The following TXNDC9 variants were observed in gnomAD, a reference collection of about 807,000 sequenced individuals.
TXNDC9 encodes the protein thioredoxin domain-containing protein 9.
In TXNDC9, 7 loss-of-function variants were observed where a neutral mutation model predicts 23.0. The ratio of observed to expected loss-of-function variants is 0.30; its 90% CI spans 0.17 to 0.57. TXNDC9 has a LOEUF of 0.57. Ranked by LOEUF, TXNDC9 falls within the 20% of genes least tolerant of loss-of-function variation. The probability of loss-of-function intolerance (pLI) is 0.90; values close to 1 mark genes in which losing one functional copy is unlikely to be tolerated. For missense variants in TXNDC9, 198 were observed against 252.6 expected, an observed-to-expected ratio of 0.78 and a Z score of 1.47; for synonymous variants, 72 against 90.6, an observed-to-expected ratio of 0.79 and a Z score of 1.17.
At chr2:99,325,742 G>A (rs2094211602) in intron 3 of TXNDC9, among the ~76,000 whole-genome samples, 1 of 152,146 alleles carries the variant, frequency 6.6e-6, no homozygotes, top group Non-Finnish European at 1.5e-5. Flanking sequence ...CGGGTGCCGT[G>A]GCTCATACTT....
downstream of TXNDC9, among the ~76,000 whole-genome samples, chr2:99,316,706 A>G (rs2094189769): frequency 6.6e-6 from 1 of 151,786 alleles, no homozygotes. Flanking sequence ...TTTTCATTAC[A>G]GTTACTTTAC....
rs952979593 is a variant in TXNDC9 at position 99,319,297 on chromosome 2, T to A, written c.*385A>T. The A allele has an allele frequency of 1.9e-5, 3 of 160,390 alleles. No individual in the cohort carries two copies. Among genetic ancestry groups the A allele is most frequent in the African/African-American group, 7.2e-5 (3 of 41,550 alleles). 9.9% of individuals were successfully genotyped at this position (160,390 alleles called of 1,614,324 possible). ...TTATAATTCATTTACAAGTGCAGTA[T>A]TGCGCTAGTAAATGTTACTTGACCT... On this transcript the variant is annotated 3_prime_UTR_variant, in exon 5 of 5. Coordinates refer to ENST00000264255, the MANE Select transcript of TXNDC9 (RefSeq NM_005783.4).
the TXNDC9 span, chr2:99,306,676 A>T: frequency 2.5e-6 from 1 of 395,760 alleles, no homozygotes; most frequent in South Asian, 1.7e-5. Context: ...GTAAAATAGC[A>T]TCATCCAGCC....
downstream of TXNDC9, among the ~76,000 whole-genome samples, chr2:99,315,678 T>A (rs966802171): frequency 6.6e-6 from 1 of 152,224 alleles, no homozygotes; most frequent in Non-Finnish European, 1.5e-5. Context: ...ATTTCGAGTT[T>A]AACTTTTGTA....
At chr2:99,314,742 C>T (rs2094184795), downstream of TXNDC9, among the ~76,000 whole-genome samples, 1 of 150,652 alleles carries the variant, frequency 6.6e-6, no homozygotes, top group African/African-American at 2.4e-5. Flanking sequence ...TGTTGTCTGC[C>T]TTTTTTATTA....
At chr2:99,315,635 T>G (rs1330353515), downstream of TXNDC9, among the ~76,000 whole-genome samples, 1 of 152,238 alleles carries the variant, frequency 6.6e-6, no homozygotes, top group Non-Finnish European at 1.5e-5. Flanking sequence ...TAGAGTTTTA[T>G]AGTTTTAATT....
the TXNDC9 span, among the ~76,000 whole-genome samples, chr2:99,312,000 A>AT: frequency 6.6e-6 from 1 of 152,218 alleles, no homozygotes; most frequent in African/African-American, 2.4e-5. Context: ...TATGAAGGCC[A>AT]TAAGTTGTTT....
chr2:99,312,342 G>A, the TXNDC9 span, among the ~76,000 whole-genome samples: 17 of 151,782 alleles, frequency 1.1e-4, no homozygotes, highest in East Asian at 1.7e-3. Flanking sequence ...CTAAAAATAC[G>A]AAAAATTAGC....
chr2:99,318,175 G>A (rs1229903277), downstream of TXNDC9, among the ~76,000 whole-genome samples: 1 of 152,190 alleles, frequency 6.6e-6, no homozygotes, highest in East Asian at 1.9e-4. Context: ...ACAGGTGTGA[G>A]CCACCGTGCC....
chr2:99,319,424 A>G lies in TXNDC9; in HGVS notation c.*258T>C. 3.2e-6 allele frequency: 1 copy of G among 312,432 alleles called. No homozygotes were observed. Among genetic ancestry groups the G allele is most frequent in the Non-Finnish European group, 5.8e-6 (1 of 172,850 alleles). The allele number at this position is 312,432 out of a possible 1,614,324, so 19.4% of individuals were successfully genotyped here. ...ATTGTAAATGGTATAAAGATGTAAG[A>G]ATCATATTGTGATAAAGTCAATCTC... is the stretch of plus-strand genomic sequence containing the variant. On this transcript the variant is annotated 3_prime_UTR_variant, in exon 5 of 5. Transcript: ENST00000264255.
chr2:99,332,877 G>A (rs2094229287), intron 2 of TXNDC9, 145 bp downstream of exon 2: 9 of 664,550 alleles, frequency 1.4e-5, no homozygotes, highest in Non-Finnish European at 2.0e-5. Flanking sequence ...TTTTTTTCTG[G>A]GCAAATTTTT....
the TXNDC9 span, among the ~76,000 whole-genome samples, chr2:99,309,743 G>T: frequency 6.6e-6 from 1 of 152,128 alleles, no homozygotes; most frequent in African/African-American, 2.4e-5. Flanking sequence ...CTGAAGTGCA[G>T]TGGTAGAATC....
At chr2:99,320,700 A>C (rs1000482077) in intron 4 of TXNDC9, among the ~76,000 whole-genome samples, 1 of 152,216 alleles carries the variant, frequency 6.6e-6, no homozygotes, top group Non-Finnish European at 1.5e-5. Context: ...TACGTAAGAA[A>C]ATGTTCTTGT....
intron 1 of TXNDC9, among the ~76,000 whole-genome samples, chr2:99,334,520 CTACAAATCTG>C (rs2094233924): frequency 6.6e-6 from 1 of 152,184 alleles, no homozygotes; most frequent in Admixed American, 6.5e-5. Context: ...TACTCCTAGG[CTACAAATCTG>C]TACAGCATGT....
At chr2:99,322,312 A>T in intron 3 of TXNDC9, 103 bp from the exon 4 acceptor site, 1 of 1,441,808 alleles carries the variant, frequency 6.9e-7, no homozygotes, top group Non-Finnish European at 9.2e-7. Flanking sequence ...TTTTCTGTTG[A>T]CTCTCATAAC....
chr2:99,316,116 TC>T (rs141963643), downstream of TXNDC9, among the ~76,000 whole-genome samples: 1,188 of 59,282 alleles, frequency 0.02, 4 homozygotes, highest in Middle Eastern at 0.065. Flanking sequence ...CATTTCTTTT[TC>T]TTTTTTTTTT....
In TXNDC9 at chr2:99,333,285, A is replaced by G. The variant is rs1385772118; in HGVS notation, c.-32-43T>C. The G allele has an allele frequency of 3.4e-6, 5 of 1,486,242 alleles. No homozygotes were observed. In the East Asian group the frequency reaches 9.8e-5, roughly 29 times the overall value. The allele number at this position is 1,486,242 out of a possible 1,614,324, so 92.1% of individuals were successfully genotyped here. On this transcript the variant is annotated intron_variant, in intron 1 of 4. Coordinates refer to ENST00000264255, the MANE Select transcript of TXNDC9 (RefSeq NM_005783.4). Reference sequence around the variant, plus strand: ...AAAATACATTTTAAAAAATGCAAACAATAAGCAAGGTTTTCTCTACCATTT... The same window carrying G: ...AAAATACATTTTAAAAAATGCAAACGATAAGCAAGGTTTTCTCTACCATTT...
chr2:99,331,185 T>C (rs1026283492), intron 2 of TXNDC9, among the ~76,000 whole-genome samples: 1 of 152,228 alleles, frequency 6.6e-6, no homozygotes, highest in Non-Finnish European at 1.5e-5. Flanking sequence ...AATGTGACTA[T>C]GAAATATGAG....
downstream of TXNDC9, among the ~76,000 whole-genome samples, chr2:99,316,347 AT>A (rs555556371): frequency 1.6e-4 from 25 of 151,810 alleles, no homozygotes; most frequent in Non-Finnish European, 3.2e-4. Context: ...ATTTTTAAAA[AT>A]TTTTTGTAGA....
Sources: gnomAD v4.1 joint callset for allele counts (sites outside exome capture counted in the v4.1 genomes callset) on GRCh38, gnomAD v4.1.1 for gene constraint, MANE v1.5 for transcripts, NCBI Gene and HGNC (gene_info 2026-07-23, HGNC 2026-07-21) for gene names.